The following SCAPER variants were observed in gnomAD, a reference collection of about 807,000 sequenced individuals.
SCAPER encodes the protein S-phase cyclin A associated protein in the ER.
SCAPER carries 98 observed loss-of-function variants against 182.2 expected under a neutral mutation model. That is an observed-to-expected ratio of 0.54 (90% CI 0.46 to 0.64). The LOEUF (loss-of-function observed/expected upper bound fraction) is 0.64, where lower values mean the gene tolerates loss of function less well. Among genes scored for constraint, SCAPER ranks in the 30% least tolerant of loss-of-function variants. The pLI, the probability that SCAPER is intolerant of heterozygous loss-of-function variation, is 0.00. For synonymous variants in SCAPER, 605 were observed against 564.6 expected, an observed-to-expected ratio of 1.07 and a Z score of -1.01; for missense variants, 1,432 against 1,690.0, an observed-to-expected ratio of 0.85 and a Z score of 2.68.
chr15:76,785,470 C>T (rs755392995), intron 8 of SCAPER, among the ~76,000 whole-genome samples: 4 of 152,174 alleles, frequency 2.6e-5, no homozygotes, highest in East Asian at 1.9e-4. Flanking sequence ...GACAGTGTGG[C>T]GATTCCTCAA....
intron 21 of SCAPER, among the ~76,000 whole-genome samples, chr15:76,660,173 G>C (rs1419370442): frequency 6.6e-6 from 1 of 152,124 alleles, no homozygotes; most frequent in African/African-American, 2.4e-5. Context: ...TCTCATAAGT[G>C]GGAGTGAAAC....
chr15:76,677,341 T>C (rs1334084408), intron 20 of SCAPER, among the ~76,000 whole-genome samples: 1 of 152,070 alleles, frequency 6.6e-6, no homozygotes, highest in African/African-American at 2.4e-5. Flanking sequence ...ATTTTAGGTA[T>C]AGAAAAGCAG....
chr15:76,503,885 C>T (rs972146868), intron 24 of SCAPER, among the ~76,000 whole-genome samples: 2 of 146,582 alleles, frequency 1.4e-5, no homozygotes, highest in Non-Finnish European at 3.0e-5. Context: ...GAAGCATTTA[C>T]TTTTTTTTTT....
intron 23 of SCAPER, among the ~76,000 whole-genome samples, chr15:76,510,487 T>C (rs2041933547): frequency 6.6e-6 from 1 of 151,964 alleles, no homozygotes; most frequent in African/African-American, 2.4e-5. Context: ...AATAAACATA[T>C]GAAAAAATGT....
At chr15:76,551,287 G>A (rs1307392805) in intron 23 of SCAPER, among the ~76,000 whole-genome samples, 1 of 152,072 alleles carries the variant, frequency 6.6e-6, no homozygotes, top group Non-Finnish European at 1.5e-5. Context: ...TATTCAAAAT[G>A]GCCAAGATAT....
rs2071407592 is a variant in SCAPER, at chr15:76,856,659, T to C, written c.195+1150A>G. On this transcript the variant is annotated intron_variant, in intron 4 of 31. Transcript: ENST00000563290. The stretch of plus-strand genomic sequence containing the variant: ...ATGTTTTTCTCATATGAAATTGTAT[T>C]TTACATAATACATACTATATACTTA... 3.3e-5 allele frequency among the ~76,000 whole-genome samples: 5 copies of C among 151,828 alleles called. No homozygotes were observed. The South Asian group carries it at 1.0e-3, about 31-fold the overall frequency.
At chr15:76,795,757 T>C (rs947743679) in intron 7 of SCAPER, among the ~76,000 whole-genome samples, 1 of 152,152 alleles carries the variant, frequency 6.6e-6, no homozygotes, top group Non-Finnish European at 1.5e-5. Context: ...TTTTCACTTA[T>C]GTGTTTTAAT....
chr15:76,617,048 C>G (rs143448367), intron 22 of SCAPER, among the ~76,000 whole-genome samples: 1 of 152,026 alleles, frequency 6.6e-6, no homozygotes, highest in African/African-American at 2.4e-5. Flanking sequence ...TTAATTTATA[C>G]AAGGTATTGA....
chr15:76,494,709 TTTAA>T (rs1171735976), intron 24 of SCAPER, among the ~76,000 whole-genome samples: 1 of 152,124 alleles, frequency 6.6e-6, no homozygotes, highest in Non-Finnish European at 1.5e-5. Context: ...TCTTAAATAA[TTTAA>T]TTGTTTTGTT....
Position 76,671,332 on chromosome 15 carries a change from GA to G in SCAPER, c.2509-5544del, listed in dbSNP as rs1435948549. On this transcript the variant is annotated intron_variant, in intron 20 of 31. Coordinates refer to ENST00000563290, the MANE Select transcript of SCAPER (RefSeq NM_020843.4). ...TGGGCAACAGATTGAGATTATAAAA[GA>G]AAATTCTGAGAAGATGGTGGCAGTG... Among the ~76,000 whole-genome samples, 6 of 152,122 alleles carry G rather than the reference GA, an allele frequency of 3.9e-5. No homozygotes were observed. The East Asian group carries it at 9.7e-4, about 25-fold the overall frequency.
intron 14 of SCAPER, among the ~76,000 whole-genome samples, chr15:76,756,775 C>T (rs1412379569): frequency 6.6e-6 from 1 of 152,170 alleles, no homozygotes; most frequent in Non-Finnish European, 1.5e-5. Flanking sequence ...ATTTTACATG[C>T]TTGCCTCATT....
At chr15:76,606,440 T>A (rs1222766912) in intron 22 of SCAPER, among the ~76,000 whole-genome samples, 1 of 152,224 alleles carries the variant, frequency 6.6e-6, no homozygotes, top group East Asian at 1.9e-4. Context: ...CTTCCAACTA[T>A]GTGGTCAATT....
rs769649080 is a variant in SCAPER, at chr15:76,775,010, A to G, written c.880T>C (p.Ser294Pro). ...KVSLATEATR[S>P]KDDSDKENVC... is the part of the protein sequence containing the mutation. Reference sequence around the variant, plus strand: ...TTTTCTTTATCACTGTCATCCTTTGATCTTGTGGCTTCTGTTGCCAATGAA... The same window carrying G: ...TTTTCTTTATCACTGTCATCCTTTGGTCTTGTGGCTTCTGTTGCCAATGAA... The change falls in exon 9 of 32, where the codon TCA becomes CCA. Residue 294 changes from serine to proline, a missense_variant. By Grantham distance (74) the Ser-to-Pro change is moderately conservative. Around this residue, in one of 5 missense-constraint regions of SCAPER, gnomAD observed 480 missense variants for 510.2 expected, o/e 0.94. Transcript: ENST00000563290. 1 of 1,613,672 alleles carries G rather than the reference A, an allele frequency of 6.2e-7. No homozygotes were observed. The highest frequency in any genetic ancestry group is 1.7e-5 in the Admixed American group (1 of 59,992).
At chr15:76,772,101 T>C in intron 9 of SCAPER, 147 bp from the exon 10 acceptor site, 1 of 643,598 alleles carries the variant, frequency 1.6e-6, no homozygotes, top group Admixed American at 3.1e-5. Context: ...ATCTTTTTTG[T>C]ATGTTTCAAG....
At chr15:76,880,707 T>C (rs568730211) in intron 2 of SCAPER, among the ~76,000 whole-genome samples, 1 of 151,472 alleles carries the variant, frequency 6.6e-6, no homozygotes, top group South Asian at 2.1e-4. Flanking sequence ...CTAGGATATA[T>C]TGCTAAGTGA....
At chr15:76,814,737 GC>G in intron 5 of SCAPER, among the ~76,000 whole-genome samples, 1 of 152,176 alleles carries the variant, frequency 6.6e-6, no homozygotes. Context: ...AAAAATTCAT[GC>G]AACAAAAGCG....
chr15:76,778,794 C>T (rs1417034475), intron 8 of SCAPER, among the ~76,000 whole-genome samples: 1 of 151,876 alleles, frequency 6.6e-6, no homozygotes, highest in Non-Finnish European at 1.5e-5. Context: ...AAAACCAGTA[C>T]ATAAGTATAT....
At chr15:76,762,329 T>C (rs963920258) in intron 14 of SCAPER, among the ~76,000 whole-genome samples, 1 of 151,756 alleles carries the variant, frequency 6.6e-6, no homozygotes, top group Non-Finnish European at 1.5e-5. Flanking sequence ...TTTTGTTCCT[T>C]ACTCTATTGC....
intron 23 of SCAPER, among the ~76,000 whole-genome samples, chr15:76,560,453 A>C (rs558015783): frequency 6.6e-6 from 1 of 152,030 alleles, no homozygotes; most frequent in African/African-American, 2.4e-5. Context: ...ATAGCCACAC[A>C]ATTCTTCGGG....
Sources: gnomAD v4.1 joint callset for allele counts (sites outside exome capture counted in the v4.1 genomes callset) on GRCh38, gnomAD v4.1.1 for gene constraint, gnomAD v4.1.1 regional missense constraint, MANE v1.5 for transcripts, NCBI Gene and HGNC (gene_info 2026-07-23, HGNC 2026-07-21) for gene names.